Variants in PRMT6 observed in about 807,000 individuals in gnomAD.
PRMT6 encodes the protein protein arginine N-methyltransferase 6.
In PRMT6, 23 loss-of-function variants were observed where a neutral mutation model predicts 30.5. The observed-to-expected ratio is 0.75, with a 90% confidence interval of 0.54 to 1.07. PRMT6 has a LOEUF of 1.07. PRMT6 is among the 50% of genes least tolerant of loss of function. The pLI, the probability that PRMT6 is intolerant of heterozygous loss-of-function variation, is 0.00. For synonymous variants in PRMT6, 265 were observed against 228.0 expected (o/e 1.16, Z -1.46); for missense variants, 528 against 514.3 (o/e 1.03, Z -0.26).
In PRMT6 at chr1:107,058,978, A is replaced by G. The variant is rs1174350799; in HGVS notation, c.*1135A>G. On this transcript the variant is annotated 3_prime_UTR_variant, in exon 1 of 1. Coordinates refer to ENST00000370078, the MANE Select transcript of PRMT6 (RefSeq NM_018137.3). The stretch of plus-strand genomic sequence containing the variant: ...TCTTGTTATCAAATTTATTTCTCTG[A>G]TGTTTCCTTCCTTATCCTTGTAGCC... 6.0e-6 allele frequency: 1 copy of G among 167,038 alleles called. No individual in the cohort carries two copies. The highest frequency in any genetic ancestry group is 1.5e-5 in the Non-Finnish European group (1 of 68,110). The allele number at this position is 167,038 out of a possible 1,614,324, so 10.3% of individuals were successfully genotyped here.
In PRMT6 at chr1:107,056,979, C is replaced by G. The variant is rs886370743; in HGVS notation, c.264C>G (p.Asp88Glu). The change falls in exon 1 of 1, where the codon GAC becomes GAG. Residue 88 changes from aspartate (D) to glutamate (E), a missense_variant. Coordinates refer to ENST00000370078, the MANE Select transcript of PRMT6 (RefSeq NM_018137.3). ...CACTGCGAGGCAAGACGGTACTGGA[C>G]GTGGGCGCGGGCACCGGCATTCTGA... ...WAALRGKTVL[D>E]VGAGTGILSI... The G allele has an allele frequency of 1.2e-6, 2 of 1,613,460 alleles. No individual in the cohort carries two copies. Among genetic ancestry groups the G allele is most frequent in the Non-Finnish European group, 1.7e-6 (2 of 1,179,812 alleles).
Position 107,057,802 on chromosome 1 carries a change from G to A in PRMT6, c.1087G>A (p.Asp363Asn), listed in dbSNP as rs771275787. 1.2e-6 allele frequency: 2 copies of A among 1,603,984 alleles called. No individual in the cohort carries two copies. The highest frequency in any genetic ancestry group is 4.5e-5 in the East Asian group (2 of 44,372). ...LRVLLRYKVGDQEEKTKDFAM... is the reference protein window; with the variant it reads ...LRVLLRYKVGNQEEKTKDFAM... ...CGTGCTGCTGCGCTACAAAGTGGGA[G>A]ACCAGGAGGAGAAGACCAAAGACTT... Residue 363 changes from aspartate (D) to asparagine (N), a missense_variant, in exon 1 of 1, where the codon GAC becomes AAC. Transcript: ENST00000370078.
In PRMT6 at chr1:107,056,749, G is replaced by A. The variant is rs575593065; in HGVS notation, c.34G>A (p.Gly12Arg). 52 of 1,540,680 alleles carry A rather than the reference G, an allele frequency of 3.4e-5. No homozygotes were observed. The East Asian group carries it at 1.2e-3, about 35-fold the overall frequency. The change falls in exon 1 of 1, where the codon GGG (glycine) becomes AGG (arginine). Residue 12 changes from glycine to arginine, a missense_variant. Gly to Arg is a moderately radical substitution (Grantham distance 125, BLOSUM62 -2). Coordinates refer to ENST00000370078, the MANE Select transcript of PRMT6 (RefSeq NM_018137.3). ...GCCCAAGAAAAGAAAGCTTGAGTCG[G>A]GGGGCGGCGGCGAAGGAGGGGAGGG... ...SQPKKRKLES[G>R]GGGEGGEGTE...
rs1651793497 is a variant in PRMT6, at chr1:107,059,011, C to G, written c.*1168C>G. 6.0e-6 allele frequency: 1 copy of G among 167,066 alleles called. No homozygotes were observed. 10.3% of individuals were successfully genotyped at this position (167,066 alleles called of 1,614,324 possible). A position where few individuals can be genotyped will look rare whatever the true frequency, so the allele number is the denominator to read the frequency against. On this transcript the variant is annotated 3_prime_UTR_variant, in exon 1 of 1. Transcript: ENST00000370078. ...TTCCTTATCCTTGTAGCCAATAAAACATTGACATTCTCACGTTTTATAGAT... is the reference window on the plus strand; with the variant it reads ...TTCCTTATCCTTGTAGCCAATAAAAGATTGACATTCTCACGTTTTATAGAT...
rs1200039877 is a variant in PRMT6 at position 107,058,006 on chromosome 1, T to C, written c.*163T>C. On this transcript the variant is annotated 3_prime_UTR_variant, in exon 1 of 1. Coordinates refer to ENST00000370078, the MANE Select transcript of PRMT6 (RefSeq NM_018137.3). ...AGGGAGAGTGACTTCATTCTCCATT[T>C]GAAGAGATTCTTCTGGTGATGTTTA... 1.1e-6 allele frequency: 1 copy of C among 930,794 alleles called. No individual in the cohort carries two copies. The highest frequency in any genetic ancestry group is 1.6e-6 in the Non-Finnish European group (1 of 611,078). 57.7% of individuals were successfully genotyped at this position (930,794 alleles called of 1,614,324 possible). A position where few individuals can be genotyped will look rare whatever the true frequency, so the allele number is the denominator to read the frequency against.
chr1:107,058,016 C>T lies in PRMT6; in HGVS notation c.*173C>T, dbSNP rs1199423756. ...ACTTCATTCTCCATTTGAAGAGATT[C>T]TTCTGGTGATGTTTACTTAAAAAGT... On this transcript the variant is annotated 3_prime_UTR_variant, in exon 1 of 1. Coordinates refer to ENST00000370078, the MANE Select transcript of PRMT6 (RefSeq NM_018137.3). 1.1e-6 allele frequency: 1 copy of T among 883,998 alleles called. No individual in the cohort carries two copies. Among genetic ancestry groups the T allele is most frequent in the Non-Finnish European group, 1.7e-6 (1 of 572,790 alleles). 54.8% of individuals were successfully genotyped at this position (883,998 alleles called of 1,614,324 possible). A position where few individuals can be genotyped will look rare whatever the true frequency, so the allele number is the denominator to read the frequency against.
Position 107,057,128 on chromosome 1 carries a change from GA to G in PRMT6, c.414del (p.Pro139GlnfsTer5). 1 of 1,607,208 alleles carries G rather than the reference GA, an allele frequency of 6.2e-7. No individual in the cohort carries two copies. Among genetic ancestry groups the G allele is most frequent in the Non-Finnish European group, 8.5e-7 (1 of 1,179,990 alleles). ...GLEDRVHVLP[G>X]PVETVELPEQ... ...GAGGACCGGGTGCACGTCCTGCCGG[GA>G]CCAGTGGAGACTGTAGAGTTGCCGG... On this transcript the variant is annotated frameshift_variant, in exon 1 of 1. Transcript: ENST00000370078. LOFTEE classifies it high-confidence loss of function.
rs368894652 is a variant in PRMT6, at chr1:107,057,698, C to T, written c.983C>T (p.Pro328Leu). The change falls in exon 1 of 1, where the codon CCG (proline) becomes CTG (leucine). Residue 328 changes from proline to leucine, a missense_variant. Physicochemically the swap from Pro to Leu is moderately conservative, Grantham distance 98 (BLOSUM62 -3). Transcript: ENST00000370078. ...CAGGCGCTCCTCTACCTGAACGAGC[C>T]GGTGCAAGTGGAGCAAGACACGGAC... ...WKQALLYLNE[P>L]VQVEQDTDVS... 1 of 1,614,134 alleles carries T rather than the reference C, an allele frequency of 6.2e-7. No homozygotes were observed. The highest frequency in any genetic ancestry group is 8.5e-7 in the Non-Finnish European group (1 of 1,180,058).
rs1247845721 is a variant in PRMT6, at chr1:107,057,414, C to T, written c.699C>T (p.His233=). The change falls in exon 1 of 1, where the codon CAC becomes CAT. Residue 233 remains histidine (H), a synonymous_variant. Transcript: ENST00000370078. ...TCGCCACGCGCTGTCTCATGGGCCA[C>T]TCGGAGATCGTTGTGCAGGGATTGT... ...EGFATRCLMG[H]SEIVVQGLSG... The T allele has an allele frequency of 1.2e-6, 2 of 1,613,718 alleles. No homozygotes were observed. The highest frequency in any genetic ancestry group is 1.7e-5 in the Admixed American group (1 of 60,034).
In PRMT6 at chr1:107,057,145, G is replaced by C. The variant is rs779233712; in HGVS notation, c.430G>C (p.Glu144Gln). 43 of 1,607,640 alleles carry C rather than the reference G, an allele frequency of 2.7e-5. No individual in the cohort carries two copies. The highest frequency in any genetic ancestry group is 3.4e-5 in the Non-Finnish European group (40 of 1,180,030). The change falls in exon 1 of 1, where the codon GAG becomes CAG. Residue 144 changes from glutamate to glutamine, a missense_variant. Physicochemically the swap from Glu to Gln is conservative, Grantham distance 29 (BLOSUM62 2). Transcript: ENST00000370078. The part of the protein sequence containing the change: ...HVLPGPVETV[E>Q]LPEQVDAIVS... The stretch of plus-strand genomic sequence containing the variant: ...CCTGCCGGGACCAGTGGAGACTGTA[G>C]AGTTGCCGGAACAGGTGGATGCCAT...
rs1472921249 is a variant in PRMT6, at chr1:107,057,933, G to A, written c.*90G>A. Reference sequence around the variant, plus strand: ...GTCGGAGGGGAAAGGGAGATCCCACGTGCAAGTAGGGGGAATATCTCCCCC... The same window carrying A: ...GTCGGAGGGGAAAGGGAGATCCCACATGCAAGTAGGGGGAATATCTCCCCC... On this transcript the variant is annotated 3_prime_UTR_variant, in exon 1 of 1. Transcript: ENST00000370078. 13 of 1,510,546 alleles carry A rather than the reference G, an allele frequency of 8.6e-6. No homozygotes were observed. Among genetic ancestry groups the A allele is most frequent in the African/African-American group, 2.8e-5 (2 of 72,154 alleles). 93.6% of individuals were successfully genotyped at this position (1,510,546 alleles called of 1,614,324 possible). A position where few individuals can be genotyped will look rare whatever the true frequency, so the allele number is the denominator to read the frequency against.
chr1:107,059,031 A>G lies in PRMT6; in HGVS notation c.*1188A>G, dbSNP rs1385803704. ...TAAAACATTGACATTCTCACGTTTT[A>G]TAGATGAGGTAAAAAGTCTTGTGTG... On this transcript the variant is annotated 3_prime_UTR_variant, in exon 1 of 1. Transcript: ENST00000370078. The G allele has an allele frequency of 6.0e-6, 1 of 167,078 alleles. No individual in the cohort carries two copies. Among genetic ancestry groups the G allele is most frequent in the Non-Finnish European group, 1.5e-5 (1 of 68,116 alleles). 10.3% of individuals were successfully genotyped at this position (167,078 alleles called of 1,614,324 possible). A position where few individuals can be genotyped will look rare whatever the true frequency, so the allele number is the denominator to read the frequency against.
In PRMT6 at chr1:107,058,839, C is replaced by A. The variant is rs778862890; in HGVS notation, c.*996C>A. The A allele has an allele frequency of 6.0e-6, 1 of 167,102 alleles. No individual in the cohort carries two copies. Among genetic ancestry groups the A allele is most frequent in the Non-Finnish European group, 1.5e-5 (1 of 68,124 alleles). 10.4% of individuals were successfully genotyped at this position (167,102 alleles called of 1,614,324 possible). ...GGGATCATGTGAGTTGGCCTACTTA[C>A]AAGTAGTGAAAGTTCCCTTTTCAGT... On this transcript the variant is annotated 3_prime_UTR_variant, in exon 1 of 1. Transcript: ENST00000370078.
At position 107,057,522 on chromosome 1, in the gene PRMT6, C is replaced by T. The variant is rs771950954; in HGVS notation, c.807C>T (p.Ala269=). ...CCGGCTTGGAGCAGGAGCTGGAGGC[C>T]GGAGTGGGCGGGCGCTTCCGCTGCA... is the stretch of plus-strand genomic sequence containing the variant. ...SRAGLEQELE[A]GVGGRFRCSC... is the part of the protein sequence containing the mutation. The change falls in exon 1 of 1, where the codon GCC becomes GCT. Residue 269 remains alanine, a synonymous_variant. Coordinates refer to ENST00000370078, the MANE Select transcript of PRMT6 (RefSeq NM_018137.3). 6.2e-7 allele frequency: 1 copy of T among 1,613,350 alleles called. No individual in the cohort carries two copies. Among genetic ancestry groups the T allele is most frequent in the African/African-American group, 1.3e-5 (1 of 74,948 alleles).
chr1:107,056,692 C>G lies in PRMT6; in HGVS notation c.-24C>G, dbSNP rs1266514201. 1 of 1,471,076 alleles carries G rather than the reference C, an allele frequency of 6.8e-7. No individual in the cohort carries two copies. Among genetic ancestry groups the G allele is most frequent in the Non-Finnish European group, 9.0e-7 (1 of 1,109,612 alleles). The allele number at this position is 1,471,076 out of a possible 1,614,324, so 91.1% of individuals were successfully genotyped here. ...CCGCGCCGTGCCGCGCTACGCCCGC[C>G]GGGAGCCGGGCAGAGCGGCCAAGAT... On this transcript the variant is annotated 5_prime_UTR_variant, in exon 1 of 1. Transcript: ENST00000370078.
chr1:107,057,022 G>A lies in PRMT6; in HGVS notation c.307G>A (p.Ala103Thr), dbSNP rs773873901. The A allele has an allele frequency of 6.2e-7, 1 of 1,613,400 alleles. No individual in the cohort carries two copies. The highest frequency in any genetic ancestry group is 1.1e-5 in the South Asian group (1 of 91,008). The change falls in exon 1 of 1, where the codon GCC (alanine) becomes ACC (threonine). Residue 103 changes from alanine to threonine, a missense_variant. Physicochemically the swap from Ala to Thr is moderately conservative, Grantham distance 58 (BLOSUM62 0). Transcript: ENST00000370078. Reference sequence around the variant, plus strand: ...CATTCTGAGCATCTTCTGTGCCCAGGCCGGGGCCCGGCGCGTGTACGCGGT... The same window carrying A: ...CATTCTGAGCATCTTCTGTGCCCAGACCGGGGCCCGGCGCGTGTACGCGGT... Reference protein sequence around the residue: ...TGILSIFCAQAGARRVYAVEA... With the variant: ...TGILSIFCAQTGARRVYAVEA...
chr1:107,057,938 A>G lies in PRMT6; in HGVS notation c.*95A>G, dbSNP rs899536633. 1 of 1,499,498 alleles carries G rather than the reference A, an allele frequency of 6.7e-7. No homozygotes were observed. The highest frequency in any genetic ancestry group is 1.2e-5 in the South Asian group (1 of 82,194). The allele number at this position is 1,499,498 out of a possible 1,614,324, so 92.9% of individuals were successfully genotyped here. On this transcript the variant is annotated 3_prime_UTR_variant, in exon 1 of 1. Coordinates refer to ENST00000370078, the MANE Select transcript of PRMT6 (RefSeq NM_018137.3). ...AGGGGAAAGGGAGATCCCACGTGCA[A>G]GTAGGGGGAATATCTCCCCCTTTTC...
At position 107,057,662 on chromosome 1, in the gene PRMT6, C is replaced by G; in HGVS notation, c.947C>G (p.Thr316Ser). 6.2e-7 allele frequency: 1 copy of G among 1,614,242 alleles called. No individual in the cohort carries two copies. The highest frequency in any genetic ancestry group is 8.5e-7 in the Non-Finnish European group (1 of 1,180,048). ...TCCACCTCGCCTTTTCACCCGGCCACTCACTGGAAACAGGCGCTCCTCTAC... is the reference window on the plus strand; with the variant it reads ...TCCACCTCGCCTTTTCACCCGGCCAGTCACTGGAAACAGGCGCTCCTCTAC... ...VLSTSPFHPATHWKQALLYLN... is the reference protein window; with the variant it reads ...VLSTSPFHPASHWKQALLYLN... The change falls in exon 1 of 1, where the codon ACT becomes AGT. Residue 316 changes from threonine (T) to serine (S), a missense_variant. Thr to Ser is a moderately conservative substitution (Grantham distance 58). Transcript: ENST00000370078.
chr1:107,057,447 G>T lies in PRMT6; in HGVS notation c.732G>T (p.Glu244Asp). ...SEIVVQGLSG[E>D]DVLARPQRFA... ...TCGTTGTGCAGGGATTGTCCGGCGAGGACGTGCTGGCCCGGCCGCAGCGCT... is the reference window on the plus strand; with the variant it reads ...TCGTTGTGCAGGGATTGTCCGGCGATGACGTGCTGGCCCGGCCGCAGCGCT... The change falls in exon 1 of 1, where the codon GAG (glutamate) becomes GAT (aspartate). Residue 244 changes from glutamate to aspartate, a missense_variant. Glu to Asp is a conservative substitution (Grantham distance 45). Transcript: ENST00000370078. 3 of 1,613,340 alleles carry T rather than the reference G, an allele frequency of 1.9e-6. No homozygotes were observed. The highest frequency in any genetic ancestry group is 2.5e-6 in the Non-Finnish European group (3 of 1,179,774).
Sources: allele counts gnomAD v4.1 joint callset, GRCh38; gene constraint gnomAD v4.1.1; transcripts MANE v1.5; gene names NCBI Gene and HGNC (gene_info 2026-07-23, HGNC 2026-07-21).